GRIK2: variants seen among roughly 807,000 people sequenced by gnomAD.
GRIK2 encodes the protein glutamate ionotropic receptor kainate type subunit 2, also known as glutamate receptor ionotropic, kainate 2.
Under a neutral mutation model 100.3 loss-of-function variants are expected in GRIK2, and 32 were observed. That is an observed-to-expected ratio of 0.32 (90% CI 0.24 to 0.43). The LOEUF is 0.43. Among genes scored for constraint, GRIK2 ranks in the 20% least tolerant of loss-of-function variants. The probability of loss-of-function intolerance (pLI) is 1.00; values close to 1 mark genes in which losing one functional copy is unlikely to be tolerated. For synonymous variants in GRIK2, 417 were observed against 389.4 expected, an observed-to-expected ratio of 1.07 and a Z score of -0.83; for missense variants, 843 against 1,114.9, an observed-to-expected ratio of 0.76 and a Z score of 3.47.
At chr6:101,577,475 TAAG>T (rs925497262) in intron 2 of GRIK2, among the ~76,000 whole-genome samples, 1 of 152,070 alleles carries the variant, frequency 6.6e-6, no homozygotes, top group Admixed American at 6.6e-5. Flanking sequence ...TTCTTCTAAA[TAAG>T]AAAATAATCT....
intron 5 of GRIK2, among the ~76,000 whole-genome samples, chr6:101,680,808 G>A (rs1272279305): frequency 3.3e-5 from 5 of 152,064 alleles, no homozygotes; most frequent in African/African-American, 1.2e-4. Context: ...TTGTAAATTT[G>A]TATTTAATAA....
At chr6:101,459,306 C>G (rs1771174006) in intron 2 of GRIK2, among the ~76,000 whole-genome samples, 1 of 151,860 alleles carries the variant, frequency 6.6e-6, no homozygotes, top group Non-Finnish European at 1.5e-5. Context: ...TAGACTCAGT[C>G]CAAAGACAAA....
At chr6:101,739,754 AC>A (rs1775904012) in intron 7 of GRIK2, among the ~76,000 whole-genome samples, 1 of 152,100 alleles carries the variant, frequency 6.6e-6, no homozygotes. Context: ...CCTCTAACCT[AC>A]TTAAAAATTG....
chr6:101,644,721 A>G (rs1781440199), intron 4 of GRIK2, among the ~76,000 whole-genome samples: 1 of 151,842 alleles, frequency 6.6e-6, no homozygotes, highest in Non-Finnish European at 1.5e-5. Context: ...ATGTATTTAG[A>G]ACATTAAAAG....
chr6:101,917,405 G>T (rs1789188607), intron 12 of GRIK2, among the ~76,000 whole-genome samples: 2 of 151,622 alleles, frequency 1.3e-5, no homozygotes, highest in Admixed American at 6.6e-5. Flanking sequence ...TTTAAATAAT[G>T]CTGAAAAGTT....
chr6:101,799,869 G>A, intron 8 of GRIK2, 78 bp downstream of exon 8: 1 of 1,150,748 alleles, frequency 8.7e-7, no homozygotes, highest in Non-Finnish European at 1.3e-6. Flanking sequence ...GGTTTTTCTA[G>A]CAAGTGTCCT....
At chr6:101,874,354 A>G (rs1248422971) in intron 11 of GRIK2, among the ~76,000 whole-genome samples, 1 of 152,114 alleles carries the variant, frequency 6.6e-6, no homozygotes, top group African/African-American at 2.4e-5. Context: ...TAAATAGGGA[A>G]TCCTTTCCCC....
intron 14 of GRIK2, among the ~76,000 whole-genome samples, chr6:101,945,634 T>C (rs901212798): frequency 1.3e-5 from 2 of 152,182 alleles, no homozygotes; most frequent in African/African-American, 4.8e-5. Context: ...CTTATAAGTT[T>C]ACTACTATTT....
At chr6:102,015,427 C>T (rs1795782199) in intron 14 of GRIK2, among the ~76,000 whole-genome samples, 1 of 152,160 alleles carries the variant, frequency 6.6e-6, no homozygotes, top group Non-Finnish European at 1.5e-5. Flanking sequence ...AGGCATTTAG[C>T]CCATTTACAT....
At chr6:101,891,082 C>T (rs1787032567) in intron 12 of GRIK2, among the ~76,000 whole-genome samples, 1 of 150,398 alleles carries the variant, frequency 6.6e-6, no homozygotes, top group South Asian at 2.1e-4. Context: ...ATAAATTTAT[C>T]AGTAAGGGTA....
chr6:101,548,345 T>C (rs1289425680), intron 2 of GRIK2, among the ~76,000 whole-genome samples: 2 of 152,204 alleles, frequency 1.3e-5, no homozygotes, highest in African/African-American at 2.4e-5. Context: ...TTTGTCAATT[T>C]TGGCTTTTGT....
chr6:101,860,738 A>T (rs905650637), intron 11 of GRIK2, among the ~76,000 whole-genome samples: 13 of 152,128 alleles, frequency 8.5e-5, no homozygotes, highest in African/African-American at 2.2e-4. Flanking sequence ...TAGGGAAAAA[A>T]GTCTAAAGGC....
intron 7 of GRIK2, among the ~76,000 whole-genome samples, chr6:101,708,995 C>T (rs1773523469): frequency 6.6e-6 from 1 of 151,406 alleles, no homozygotes; most frequent in Admixed American, 6.6e-5. Flanking sequence ...ACTTTGTACC[C>T]CATAAATATA....
intron 2 of GRIK2, among the ~76,000 whole-genome samples, chr6:101,442,846 C>T (rs1457019385): frequency 1.3e-5 from 2 of 152,142 alleles, no homozygotes; most frequent in African/African-American, 2.4e-5. Flanking sequence ...GTTTTTGCTC[C>T]GTCTGGACTG....
intron 7 of GRIK2, among the ~76,000 whole-genome samples, chr6:101,697,327 T>C (rs1311368168): frequency 6.7e-6 from 1 of 149,222 alleles, no homozygotes; most frequent in Non-Finnish European, 1.5e-5. Flanking sequence ...CTGTAGTAGA[T>C]ACTTAGGGTG....
At chr6:101,958,283 G>GTGTGTGTGTGTGT (rs71028091) in intron 14 of GRIK2, among the ~76,000 whole-genome samples, 8 of 150,868 alleles carry the variant, frequency 5.3e-5, no homozygotes, top group Admixed American at 6.6e-5. Flanking sequence ...GTGTGTGTGT[G>GTGTGTGTGTGTGT]GGTCCATTGC....
intron 16 of GRIK2, among the ~76,000 whole-genome samples, chr6:102,057,762 A>G (rs1290561876): frequency 6.6e-6 from 1 of 151,808 alleles, no homozygotes; most frequent in African/African-American, 2.4e-5. Flanking sequence ...TTGCACCTTT[A>G]CTACAGCCAC....
At chr6:101,442,438 C>T (rs980599528) in intron 2 of GRIK2, among the ~76,000 whole-genome samples, 4 of 144,696 alleles carry the variant, frequency 2.8e-5, no homozygotes, top group South Asian at 2.2e-4. Flanking sequence ...CCAGTCAGTG[C>T]GCCGGCTGGT....
intron 12 of GRIK2, among the ~76,000 whole-genome samples, chr6:101,894,271 A>T (rs1384433829): frequency 6.6e-6 from 1 of 151,750 alleles, no homozygotes; most frequent in Admixed American, 6.6e-5. Flanking sequence ...TTTAACCAAT[A>T]CTGAGAAGGA....
Sources: allele counts gnomAD v4.1 joint callset (sites outside exome capture counted in the v4.1 genomes callset), GRCh38; gene constraint gnomAD v4.1.1; transcripts MANE v1.5; gene names NCBI Gene and HGNC (gene_info 2026-07-23, HGNC 2026-07-21).